Variants in DRAM1 observed in about 807,000 individuals in gnomAD.
DRAM1 encodes DNA damage regulated autophagy modulator 1.
A neutral mutation model predicts 28.5 loss-of-function variants in DRAM1; 25 were observed. The observed-to-expected ratio is 0.88, with a 90% CI of 0.64 to 1.23. The LOEUF is 1.23. Ranked by LOEUF, DRAM1 falls within the 50% of genes most tolerant of loss-of-function variation. The probability of loss-of-function intolerance (pLI) is 0.00; values close to 1 mark genes in which losing one functional copy is unlikely to be tolerated. For missense variants in DRAM1, 249 were observed against 299.2 expected, an observed-to-expected ratio of 0.83 and a Z score of 1.24; for synonymous variants, 113 against 114.2, an observed-to-expected ratio of 0.99 and a Z score of 0.07.
At chr12:101,903,959 A>C (rs75614519) in intron 3 of DRAM1, among the ~76,000 whole-genome samples, 430 of 124,336 alleles carry the variant, frequency 3.5e-3, no homozygotes, top group African/African-American at 0.019. Flanking sequence ...ACACACACAC[A>C]CACCCCTATA....
At position 101,877,795 on chromosome 12, in the gene DRAM1, G is replaced by T; in HGVS notation, c.6G>T (p.Leu2=). M[L]CFLRGMAFVP... is the part of the protein sequence containing the mutation. ...TCGGCGGCGGCGGCGGCGCGATGCT[G>T]TGCTTCCTGAGGGGAATGGCTTTCG... Residue 2 remains leucine (L), a synonymous_variant, in exon 1 of 7, where the codon CTG becomes CTT. Transcript: ENST00000258534. The surrounding 1 kb of genome is among the most constrained non-coding windows in gnomAD (Gnocchi z 4.1). The T allele has an allele frequency of 1.3e-6, 2 of 1,522,630 alleles. No homozygotes were observed. The highest frequency in any genetic ancestry group is 8.8e-7 in the Non-Finnish European group (1 of 1,132,898). 94.3% of individuals were successfully genotyped at this position (1,522,630 alleles called of 1,614,324 possible).
intron 6 of DRAM1, among the ~76,000 whole-genome samples, chr12:101,920,516 T>A (rs1283788442): frequency 6.6e-6 from 1 of 152,252 alleles, no homozygotes; most frequent in African/African-American, 2.4e-5. Context: ...TTTTCATATG[T>A]CCTCTGCTGT....
intron 5 of DRAM1, 147 bp downstream of exon 5, chr12:101,914,379 A>G (rs752674922): frequency 3.6e-5 from 18 of 500,090 alleles, no homozygotes; most frequent in Non-Finnish European, 6.0e-5. Context: ...TTACTGTCCA[A>G]TCATTTGGCA....
chr12:101,881,115 C>G (rs1180784224), intron 1 of DRAM1, among the ~76,000 whole-genome samples: 1 of 152,118 alleles, frequency 6.6e-6, no homozygotes, highest in Non-Finnish European at 1.5e-5. Flanking sequence ...GCAGTCTCTA[C>G]TAAAAATATA....
intron 1 of DRAM1, among the ~76,000 whole-genome samples, chr12:101,889,780 A>G (rs550786613): frequency 6.6e-6 from 1 of 152,062 alleles, no homozygotes; most frequent in East Asian, 2.0e-4. Context: ...TCTCTACTAA[A>G]AATACAAAAA....
chr12:101,919,495 G>T (rs1217300223), intron 5 of DRAM1, among the ~76,000 whole-genome samples: 1 of 152,048 alleles, frequency 6.6e-6, no homozygotes, highest in East Asian at 1.9e-4. Flanking sequence ...ATTCTCCTTG[G>T]CTTCCATTCT....
In DRAM1 at chr12:101,911,234, C is replaced by CA. The variant is rs1452553563; in HGVS notation, c.520+2879dup. 5.3e-5 allele frequency among the ~76,000 whole-genome samples: 8 copies of CA among 151,720 alleles called. No homozygotes were observed. The East Asian group carries it at 9.7e-4, about 18-fold the overall frequency. ...CAGATGACAGAGTGAGACTCCGTCT[C>CA]AAAAAAAAGAGTTGAAAGCATCTTT... On this transcript the variant is annotated intron_variant, in intron 4 of 6. Coordinates refer to ENST00000258534, the MANE Select transcript of DRAM1 (RefSeq NM_018370.3).
At chr12:101,915,641 C>T (rs139352676) in intron 5 of DRAM1, among the ~76,000 whole-genome samples, 3,622 of 151,790 alleles carry the variant, frequency 0.024, 151 homozygotes, top group African/African-American at 0.082. Flanking sequence ...CTCTCAGGTT[C>T]AAGCAGTTCT....
At chr12:101,909,010 C>T (rs1873935435) in intron 4 of DRAM1, among the ~76,000 whole-genome samples, 1 of 150,694 alleles carries the variant, frequency 6.6e-6, no homozygotes, top group South Asian at 2.1e-4. Flanking sequence ...GCCTGTAATC[C>T]CAGCACTTTG....
intron 5 of DRAM1, among the ~76,000 whole-genome samples, chr12:101,919,307 G>T (rs1047256138): frequency 1.2e-4 from 15 of 124,816 alleles, no homozygotes; most frequent in African/African-American, 6.0e-4. Flanking sequence ...CACACACACG[G>T]TTTTGTTTTT....
intron 1 of DRAM1, among the ~76,000 whole-genome samples, chr12:101,893,252 A>G (rs1054819147): frequency 1.7e-4 from 26 of 152,282 alleles, no homozygotes; most frequent in Admixed American, 1.6e-3. Context: ...CTGAGCAGGG[A>G]CTGTGTGCCT....
intron 3 of DRAM1, among the ~76,000 whole-genome samples, chr12:101,904,473 G>A (rs1173668003): frequency 1.2e-5 from 1 of 84,150 alleles, no homozygotes; most frequent in African/African-American, 5.1e-5. Flanking sequence ...ACAGAGTCTT[G>A]CTCTGTCACC....
intron 3 of DRAM1, among the ~76,000 whole-genome samples, chr12:101,902,032 G>C (rs1873624340): frequency 6.6e-6 from 1 of 152,138 alleles, no homozygotes; most frequent in Non-Finnish European, 1.5e-5. Context: ...AGCTACTTCA[G>C]CTACTGTGAT....
chr12:101,919,537 A>G (rs1874393735), intron 5 of DRAM1, among the ~76,000 whole-genome samples: 1 of 152,188 alleles, frequency 6.6e-6, no homozygotes, highest in South Asian at 2.1e-4. Context: ...ATATACAGTT[A>G]ACATGTGGAT....
intron 5 of DRAM1, among the ~76,000 whole-genome samples, chr12:101,918,729 C>T (rs2121174267): frequency 6.6e-6 from 1 of 152,186 alleles, no homozygotes; most frequent in Admixed American, 6.5e-5. Context: ...GCAGAGCAGC[C>T]CATGTATGCA....
chr12:101,879,098 G>A (rs61361305), intron 1 of DRAM1, among the ~76,000 whole-genome samples: 5,725 of 152,014 alleles, frequency 0.038, 346 homozygotes, highest in African/African-American at 0.13. Flanking sequence ...GGGTTCAAGC[G>A]ATTCTCCTGC....
intron 1 of DRAM1, among the ~76,000 whole-genome samples, chr12:101,880,503 G>T (rs1345431073): frequency 1.3e-5 from 2 of 151,810 alleles, no homozygotes; most frequent in African/African-American, 2.4e-5. Context: ...TGGCCAGGCT[G>T]GTCTCAAGCT....
At chr12:101,881,002 A>G (rs1391842024) in intron 1 of DRAM1, among the ~76,000 whole-genome samples, 1 of 152,202 alleles carries the variant, frequency 6.6e-6, no homozygotes, top group Non-Finnish European at 1.5e-5. Context: ...TGCTTACCTG[A>G]GCAGCCGGAG....
intron 5 of DRAM1, among the ~76,000 whole-genome samples, chr12:101,918,756 G>C (rs1338128074): frequency 4.6e-5 from 7 of 152,116 alleles, no homozygotes; most frequent in Non-Finnish European, 8.8e-5. Flanking sequence ...GAAGGCATGG[G>C]GGTGTAGGGA....
Sources: gnomAD v4.1 joint callset for allele counts (sites outside exome capture counted in the v4.1 genomes callset) on GRCh38, gnomAD v4.1.1 for gene constraint, Gnocchi (gnomAD v3.1) non-coding constraint, MANE v1.5 for transcripts, NCBI Gene and HGNC (gene_info 2026-07-23, HGNC 2026-07-21) for gene names.